The following LUZP2 variants were observed in gnomAD, a reference collection of about 807,000 sequenced individuals.
LUZP2 encodes the protein leucine zipper protein 2.
LUZP2 carries 52 observed loss-of-function variants against 51.6 expected under a neutral mutation model. The observed-to-expected ratio is 1.01, with a 90% CI of 0.81 to 1.27. LUZP2 has a LOEUF of 1.27. LUZP2 is among the 50% of genes most tolerant of loss of function. The pLI is 0.00. For missense variants in LUZP2, 436 were observed against 395.4 expected, an observed-to-expected ratio of 1.10 and a Z score of -0.87; for synonymous variants, 154 against 137.3, an observed-to-expected ratio of 1.12 and a Z score of -0.85.
intron 7 of LUZP2, among the ~76,000 whole-genome samples, chr11:24,971,321 A>C (rs947693769): frequency 6.6e-6 from 1 of 152,138 alleles, no homozygotes; most frequent in Non-Finnish European, 1.5e-5. Context: ...AGTTCACAAT[A>C]GGGTTCATGC....
chr11:24,604,234 T>C (rs1432224518), intron 1 of LUZP2, among the ~76,000 whole-genome samples: 1 of 151,926 alleles, frequency 6.6e-6, no homozygotes, highest in African/African-American at 2.4e-5. Context: ...ATTATTTGAT[T>C]CATATTTTTA....
At chr11:24,784,111 A>G (rs1849171770) in intron 5 of LUZP2, among the ~76,000 whole-genome samples, 1 of 151,970 alleles carries the variant, frequency 6.6e-6, no homozygotes, top group Non-Finnish European at 1.5e-5. Flanking sequence ...CTTGTGAATT[A>G]ACAGAATATA....
intron 7 of LUZP2, among the ~76,000 whole-genome samples, chr11:24,938,304 ATT>A (rs902462945): frequency 6.6e-6 from 1 of 152,136 alleles, no homozygotes. Context: ...GCTAAATATG[ATT>A]TTTTTAGCAC....
At chr11:25,064,812 C>G (rs1858952155) in intron 10 of LUZP2, among the ~76,000 whole-genome samples, 3 of 152,028 alleles carry the variant, frequency 2.0e-5, no homozygotes, top group African/African-American at 7.2e-5. Context: ...TAGCCCTTCT[C>G]CCAGCATGAT....
At chr11:25,003,480 G>A (rs1482541948) in intron 9 of LUZP2, among the ~76,000 whole-genome samples, 1 of 152,152 alleles carries the variant, frequency 6.6e-6, no homozygotes, top group Non-Finnish European at 1.5e-5. Context: ...TGGATATAGA[G>A]GAATTACTGC....
At chr11:24,718,039 A>C (rs573733361) in intron 1 of LUZP2, among the ~76,000 whole-genome samples, 146 of 152,312 alleles carry the variant, frequency 9.6e-4, no homozygotes, top group African/African-American at 3.3e-3. Flanking sequence ...AAGCTATTGC[A>C]GTAGAAAGAA....
chr11:24,726,633 A>T (rs567001290), intron 1 of LUZP2, among the ~76,000 whole-genome samples: 1 of 151,960 alleles, frequency 6.6e-6, no homozygotes, highest in Non-Finnish European at 1.5e-5. Flanking sequence ...ACATATATAC[A>T]CTTTATTAAT....
At chr11:24,700,580 G>GT (rs59343292) in intron 1 of LUZP2, among the ~76,000 whole-genome samples, 48 of 150,316 alleles carry the variant, frequency 3.2e-4, no homozygotes, top group East Asian at 2.0e-3. Flanking sequence ...CAGAAATTGT[G>GT]TTTTTTTTTT....
chr11:24,711,785 G>A (rs1455608837), intron 1 of LUZP2, among the ~76,000 whole-genome samples: 1 of 151,784 alleles, frequency 6.6e-6, no homozygotes, highest in African/African-American at 2.4e-5. Context: ...GCCCTTCTCT[G>A]CCCTCTGTTA....
intron 7 of LUZP2, among the ~76,000 whole-genome samples, chr11:24,949,972 T>C (rs936869472): frequency 6.1e-5 from 9 of 147,814 alleles, no homozygotes; most frequent in Admixed American, 4.0e-4. Flanking sequence ...TCTTTTCTTT[T>C]TTTTTTTTTT....
intron 1 of LUZP2, among the ~76,000 whole-genome samples, chr11:24,534,566 T>C (rs1851112873): frequency 6.6e-6 from 1 of 151,032 alleles, no homozygotes; most frequent in South Asian, 2.1e-4. Flanking sequence ...ATAGAGAGAG[T>C]AAACACATTT....
At chr11:24,861,896 C>T (rs1381325174) in intron 5 of LUZP2, among the ~76,000 whole-genome samples, 5 of 152,158 alleles carry the variant, frequency 3.3e-5, no homozygotes, top group Non-Finnish European at 7.3e-5. Context: ...TTCTGGTCAA[C>T]ATAAGTAAAC....
At chr11:24,821,715 G>C (rs577603501) in intron 5 of LUZP2, among the ~76,000 whole-genome samples, 182 of 152,006 alleles carry the variant, frequency 1.2e-3, no homozygotes, top group African/African-American at 4.2e-3. Context: ...ATGATGAAAG[G>C]TTTAAAAAAT....
chr11:24,500,856 T>C (rs1263524668), intron 1 of LUZP2, among the ~76,000 whole-genome samples: 2 of 152,118 alleles, frequency 1.3e-5, no homozygotes, highest in South Asian at 4.1e-4. Flanking sequence ...CATGTTTATT[T>C]TGGAATCTAT....
At chr11:24,619,282 C>T (rs11028071) in intron 1 of LUZP2, among the ~76,000 whole-genome samples, 20,373 of 152,080 alleles carry the variant, frequency 0.13, 1,706 homozygotes, top group East Asian at 0.24. Flanking sequence ...AATCCTCCTG[C>T]CTCAGCCTCC....
chr11:24,647,871 G>A (rs755427457), intron 1 of LUZP2, among the ~76,000 whole-genome samples: 2 of 151,380 alleles, frequency 1.3e-5, no homozygotes, highest in Non-Finnish European at 3.0e-5. Flanking sequence ...TGAATACCCT[G>A]GTATTCAAGA....
At chr11:24,752,927 A>G (rs1859646763) in intron 4 of LUZP2, among the ~76,000 whole-genome samples, 1 of 152,114 alleles carries the variant, frequency 6.6e-6, no homozygotes, top group Admixed American at 6.6e-5. Flanking sequence ...AAGTTTAAAA[A>G]TTGAAAATAT....
chr11:24,734,020 C>G (rs1453935731), intron 3 of LUZP2, among the ~76,000 whole-genome samples: 1 of 151,646 alleles, frequency 6.6e-6, no homozygotes, highest in Non-Finnish European at 1.5e-5. Context: ...TAGGGAATCC[C>G]TTTTAGGTAG....
chr11:24,596,388 G>T (rs1853445813), intron 1 of LUZP2, among the ~76,000 whole-genome samples: 1 of 152,130 alleles, frequency 6.6e-6, no homozygotes, highest in Non-Finnish European at 1.5e-5. Context: ...TTCATAGAGG[G>T]TTTTCATTTG....
Sources: allele counts gnomAD v4.1 joint callset (sites outside exome capture counted in the v4.1 genomes callset), GRCh38; gene constraint gnomAD v4.1.1; transcripts MANE v1.5; gene names NCBI Gene and HGNC (gene_info 2026-07-23, HGNC 2026-07-21).